Variants in CCNB3 observed in about 807,000 individuals in gnomAD.
The protein encoded by CCNB3 is cyclin B3.
Under a neutral mutation model 68.0 loss-of-function variants are expected in CCNB3, and 12 were observed. The observed-to-expected ratio is 0.18, with a 90% CI of 0.11 to 0.29. CCNB3 has a LOEUF of 0.29. Ranked by LOEUF, CCNB3 falls within the 10% of genes least tolerant of loss-of-function variation. The pLI, the probability that CCNB3 is intolerant of heterozygous loss-of-function variation, is 1.00. For synonymous variants in CCNB3, 354 were observed against 388.9 expected (o/e 0.91, Z 1.06); for missense variants, 904 against 993.1 (o/e 0.91, Z 1.21).
intron 1 of CCNB3, among the ~76,000 whole-genome samples, chrX:50,280,019 A>T (rs1472542318): frequency 6.9e-4 from 59 of 85,111 alleles, no homozygotes; most frequent in African/African-American, 2.7e-3. Context: ...ATAAATATAT[A>T]GAATATATAT....
intron 4 of CCNB3, among the ~76,000 whole-genome samples, chrX:50,294,124 A>G (rs1936401023): frequency 9.1e-6 from 1 of 109,530 alleles, no homozygotes; most frequent in South Asian, 4.0e-4. Flanking sequence ...ATTTTTTTGT[A>G]GTGACAGGGT....
At chrX:50,326,897 G>T (rs1290791185) in intron 8 of CCNB3, among the ~76,000 whole-genome samples, 1 of 111,946 alleles carries the variant, frequency 8.9e-6, no homozygotes, top group Admixed American at 9.5e-5. Flanking sequence ...TTGAGTTTTG[G>T]AATTTGAGGC....
chrX:50,319,357 T>C (rs1921897656), intron 8 of CCNB3, among the ~76,000 whole-genome samples: 1 of 111,907 alleles, frequency 8.9e-6, no homozygotes, highest in African/African-American at 3.2e-5. Flanking sequence ...GTTAGATTTA[T>C]AAAAAATATT....
chrX:50,309,542 T>C lies in CCNB3; in HGVS notation c.1373T>C (p.Leu458Pro), dbSNP rs1921285639. The change falls in exon 6 of 13, where the codon CTA (leucine) becomes CCA (proline). Residue 458 changes from leucine to proline, a missense_variant. Leu to Pro is a moderately conservative substitution (Grantham distance 98). Transcript: ENST00000376042. ...ATCTTAAAGGAGCCCTCGTCCTTGCTAAAGTCTCCAACTGAGGAGTCACCT... is the reference window on the plus strand; with the variant it reads ...ATCTTAAAGGAGCCCTCGTCCTTGCCAAAGTCTCCAACTGAGGAGTCACCT... ...VSILKEPSSL[L>P]KSPTEESPFD... The C allele has an allele frequency of 2.5e-6, 3 of 1,211,595 alleles. No homozygotes were observed. The highest frequency in any genetic ancestry group is 3.4e-6 in the Non-Finnish European group (3 of 895,415).
chrX:50,209,226 G>T (rs1487805842), intron 1 of CCNB3, among the ~76,000 whole-genome samples: 3 of 111,970 alleles, frequency 2.7e-5, no homozygotes, highest in Non-Finnish European at 3.8e-5. Context: ...CAAGGTAGCA[G>T]TCACATCCAA....
intron 1 of CCNB3, among the ~76,000 whole-genome samples, chrX:50,212,920 C>T (rs1935505516): frequency 1.8e-5 from 2 of 111,413 alleles, no homozygotes. Context: ...ATACAGGCAC[C>T]TTCTGCCTAA....
chrX:50,209,143 G>A (rs73213608), intron 1 of CCNB3, among the ~76,000 whole-genome samples: 4 of 111,060 alleles, frequency 3.6e-5, no homozygotes, highest in African/African-American at 1.3e-4. Flanking sequence ...AATACAAAGA[G>A]CTGCATATAT....
At chrX:50,203,102 G>C (rs1182195046), upstream of CCNB3, among the ~76,000 whole-genome samples, 3 of 111,671 alleles carry the variant, frequency 2.7e-5, no homozygotes, top group East Asian at 8.4e-4. Flanking sequence ...AAAAGCCTTG[G>C]TCATCATTTT....
chrX:50,209,777 G>A (rs1320924869), intron 1 of CCNB3, among the ~76,000 whole-genome samples: 2 of 112,273 alleles, frequency 1.8e-5, no homozygotes, highest in African/African-American at 6.5e-5. Context: ...CTTGCTAGAG[G>A]TTTGTTAGGC....
intron 1 of CCNB3, among the ~76,000 whole-genome samples, chrX:50,216,405 A>G (rs1024428608): frequency 3.3e-4 from 36 of 109,367 alleles, no homozygotes; most frequent in African/African-American, 7.7e-4. Context: ...AGTAGCTGGG[A>G]CTACAGGGTC....
intron 1 of CCNB3, among the ~76,000 whole-genome samples, chrX:50,226,984 A>G (rs1243130980): frequency 1.3e-5 from 1 of 75,585 alleles, no homozygotes; most frequent in African/African-American, 5.7e-5. Flanking sequence ...TATAGTATAT[A>G]TATAGAATAT....
intron 1 of CCNB3, among the ~76,000 whole-genome samples, chrX:50,212,843 T>A (rs1225903962): frequency 8.9e-6 from 1 of 111,973 alleles, no homozygotes; most frequent in Non-Finnish European, 1.9e-5. Context: ...ACAACATGTG[T>A]GAAATGTTGT....
chrX:50,332,258 G>A (rs1011834496), intron 8 of CCNB3, among the ~76,000 whole-genome samples: 1 of 111,300 alleles, frequency 9.0e-6, no homozygotes, highest in Non-Finnish European at 1.9e-5. Context: ...CTGTGGACAT[G>A]GGAGGCTTAG....
chrX:50,226,511 GAATA>G (rs1935812796), intron 1 of CCNB3, among the ~76,000 whole-genome samples: 1 of 59,592 alleles, frequency 1.7e-5, no homozygotes, highest in Non-Finnish European at 2.9e-5. Context: ...TATATATATA[GAATA>G]TATAGATATA....
intron 3 of CCNB3, among the ~76,000 whole-genome samples, chrX:50,286,645 G>GT (rs1485745038): frequency 2.3e-5 from 2 of 86,772 alleles, no homozygotes; most frequent in Admixed American, 1.4e-4. Flanking sequence ...TGTTGTTGTT[G>GT]TTGTTTGTTT....
Position 50,309,018 on chromosome X carries a change from A to G in CCNB3, c.849A>G (p.Leu283=). 1 of 1,211,365 alleles carries G rather than the reference A, an allele frequency of 8.3e-7. No individual in the cohort carries two copies. Among genetic ancestry groups the G allele is most frequent in the Non-Finnish European group, 1.1e-6 (1 of 895,184 alleles). The change falls in exon 6 of 13, where the codon TTA becomes TTG. Residue 283 remains leucine (L), a synonymous_variant. Transcript: ENST00000376042. The stretch of plus-strand genomic sequence containing the variant: ...AGGAGTCAATCCCCACCCATAAGTT[A>G]TCATCTTTAAAGAAGAAATGTACCA... The part of the protein sequence containing the change: ...KTEESIPTHK[L]SSLKKKCTIY...
At chrX:50,279,371 TATA>T (rs1415184341) in intron 1 of CCNB3, among the ~76,000 whole-genome samples, 11 of 78,283 alleles carry the variant, frequency 1.4e-4, no homozygotes, top group Non-Finnish European at 9.0e-5. Flanking sequence ...TATATGAATA[TATA>T]AATATATGAA....
intron 4 of CCNB3, among the ~76,000 whole-genome samples, chrX:50,289,107 A>G (rs1936300019): frequency 8.9e-6 from 1 of 111,954 alleles, no homozygotes. Context: ...GACAGTGATT[A>G]TCAGATATGA....
At position 50,228,377 on chromosome X, in the gene CCNB3, A is replaced by G. The variant is rs1443389331; in HGVS notation, c.-113+23427A>G. Among the ~76,000 whole-genome samples, 18 of 86,822 alleles carry G rather than the reference A, an allele frequency of 2.1e-4. No individual in the cohort carries two copies. The Admixed American group carries it at 2.2e-3, about 10-fold the overall frequency. 75.4% of individuals were successfully genotyped at this position (86,822 alleles called of 115,157 possible). A position where few individuals can be genotyped will look rare whatever the true frequency, so the allele number is the denominator to read the frequency against. On this transcript the variant is annotated intron_variant, in intron 1 of 12. Transcript: ENST00000376042. ...TAGAAGATATATATACATAATATAT[A>G]GAGGATATATCTACATAAATATATA...
Sources: gnomAD v4.1 joint callset for allele counts (sites outside exome capture counted in the v4.1 genomes callset) on GRCh38, gnomAD v4.1.1 for gene constraint, MANE v1.5 for transcripts, NCBI Gene and HGNC (gene_info 2026-07-23, HGNC 2026-07-21) for gene names.